LRCH2: variants seen among roughly 807,000 people sequenced by gnomAD.
The protein encoded by LRCH2 is leucine rich repeats and calponin homology domain containing 2, also known as leucine-rich repeat and calponin homology domain-containing protein 2.
Under a neutral mutation model 68.9 loss-of-function variants are expected in LRCH2, and 38 were observed. The observed-to-expected ratio is 0.55, with a 90% CI of 0.43 to 0.72. The LOEUF (loss-of-function observed/expected upper bound fraction) is 0.72. Ranked by LOEUF, LRCH2 falls within the 30% of genes least tolerant of loss-of-function variation. LRCH2 has a pLI of 0.00. For missense variants in LRCH2, 528 were observed against 572.9 expected (o/e 0.92, Z 0.80); for synonymous variants, 191 against 208.1 (o/e 0.92, Z 0.71).
At position 115,122,464 on chromosome X, in the gene LRCH2, C is replaced by T. The variant is rs150792620; in HGVS notation, c.2178+63G>A. The T allele has an allele frequency of 6.3e-3, 5,914 of 937,085 alleles. 17 individuals carry two copies. The highest frequency in any genetic ancestry group is 0.013 in the Middle Eastern group (40 of 2,979). 77.2% of individuals were successfully genotyped at this position (937,085 alleles called of 1,213,427 possible). A position where few individuals can be genotyped will look rare whatever the true frequency, so the allele number is the denominator to read the frequency against. Reference sequence around the variant, plus strand: ...GCATTATTCATTGCTCTAAGAAGAACCCCAGTTTGCATGTAATAAATTCAA... The same window carrying T: ...GCATTATTCATTGCTCTAAGAAGAATCCCAGTTTGCATGTAATAAATTCAA... On this transcript the variant is annotated intron_variant, in intron 20 of 20. Coordinates refer to ENST00000317135, the MANE Select transcript of LRCH2 (RefSeq NM_020871.4).
At chrX:115,190,929 C>T in intron 1 of LRCH2, 2 of 1,164,841 alleles carry the variant, frequency 1.7e-6, no homozygotes, top group Non-Finnish European at 2.3e-6. Context: ...GGGGCCACGA[C>T]AATTCCAGCT....
intron 5 of LRCH2, among the ~76,000 whole-genome samples, chrX:115,176,089 C>T (rs782321824): frequency 3.6e-5 from 4 of 111,849 alleles, no homozygotes; most frequent in Non-Finnish European, 3.8e-5. Context: ...AGAAATCTGA[C>T]GCATTTTGGT....
Position 115,234,034 on chromosome X carries a change from G to T in LRCH2, c.8C>A (p.Ala3Glu). MA[A>E]SQGGGGNSGG... ...ACTGTTACCGCCTCCTCCCTGACTC[G>T]CCGCCATGTTCCTGGGAGAGAGAAT... Residue 3 changes from alanine to glutamate, a missense_variant, in exon 1 of 21, where the codon GCG (alanine) becomes GAG (glutamate). Physicochemically the swap from Ala to Glu is moderately radical, Grantham distance 107. Transcript: ENST00000317135. The T allele has an allele frequency of 8.6e-7, 1 of 1,164,892 alleles. No homozygotes were observed. The highest frequency in any genetic ancestry group is 1.1e-6 in the Non-Finnish European group (1 of 872,110).
In LRCH2 at chrX:115,185,216, C is replaced by T. The variant is rs1327514430; in HGVS notation, c.495-679G>A. ...TATTGCCAGGCCATGTTCAGGGCAG[C>T]TCATGTGAATTAACTCTCACAGTGA... On this transcript the variant is annotated intron_variant, in intron 2 of 20. Coordinates refer to ENST00000317135, the MANE Select transcript of LRCH2 (RefSeq NM_020871.4). Among the ~76,000 whole-genome samples the T allele has an allele frequency of 2.7e-5, 3 of 112,119 alleles. No individual in the cohort carries two copies. The Admixed American group carries it at 2.8e-4, about 11-fold the overall frequency.
intron 20 of LRCH2, among the ~76,000 whole-genome samples, chrX:115,122,299 T>C (rs2072150960): frequency 9.1e-6 from 1 of 110,443 alleles, no homozygotes. Flanking sequence ...GTCAGTGATG[T>C]GCATGATTTT....
At chrX:115,210,601 C>T (rs1445201448) in intron 1 of LRCH2, among the ~76,000 whole-genome samples, 1 of 111,836 alleles carries the variant, frequency 8.9e-6, no homozygotes, top group Non-Finnish European at 1.9e-5. Context: ...CACACAAAGT[C>T]CCCACTGGGG....
intron 20 of LRCH2, 61 bp from the exon 21 acceptor site, chrX:115,113,396 A>G: frequency 1.6e-5 from 15 of 941,011 alleles, no homozygotes; most frequent in Non-Finnish European, 2.0e-5. Context: ...AAATTAAGTC[A>G]GAATTTGATT....
At chrX:115,229,546 G>T (rs960052219) in intron 1 of LRCH2, among the ~76,000 whole-genome samples, 5 of 112,128 alleles carry the variant, frequency 4.5e-5, no homozygotes, top group Non-Finnish European at 9.4e-5. Flanking sequence ...GAAATTAAGG[G>T]ATAAGTATGC....
At chrX:115,133,823 A>G (rs972845016) in intron 14 of LRCH2, among the ~76,000 whole-genome samples, 1 of 111,747 alleles carries the variant, frequency 8.9e-6, no homozygotes, top group African/African-American at 3.2e-5. Flanking sequence ...AATTAGGCCA[A>G]CTAATAATCC....
intron 11 of LRCH2, among the ~76,000 whole-genome samples, chrX:115,158,050 A>C (rs1320267379): frequency 8.9e-6 from 1 of 112,001 alleles, no homozygotes; most frequent in Non-Finnish European, 1.9e-5. Flanking sequence ...GTCAAAACAA[A>C]CATCTATTCT....
In LRCH2 at chrX:115,179,768, A is replaced by G. The variant is rs781838991; in HGVS notation, c.622-17T>C. ...GCTAATATCCTAAGGAGAACAATAA[A>G]ACAGAATTATAACAAGCTAACTGAG... On this transcript the variant is annotated splice_polypyrimidine_tract_variant and intron_variant, in intron 3 of 20. Transcript: ENST00000317135. 1 of 926,480 alleles carries G rather than the reference A, an allele frequency of 1.1e-6. No individual in the cohort carries two copies. The highest frequency in any genetic ancestry group is 1.4e-6 in the Non-Finnish European group (1 of 692,428). 76.4% of individuals were successfully genotyped at this position (926,480 alleles called of 1,213,427 possible).
chrX:115,137,876 C>A (rs1021141963), intron 14 of LRCH2, among the ~76,000 whole-genome samples: 9 of 110,373 alleles, frequency 8.2e-5, no homozygotes, highest in Non-Finnish European at 1.3e-4. Context: ...TTGAACCCGG[C>A]AGGCAGAGGT....
chrX:115,167,788 G>A (rs184296013), intron 6 of LRCH2, among the ~76,000 whole-genome samples: 79 of 111,562 alleles, frequency 7.1e-4, no homozygotes, highest in Admixed American at 3.3e-3. Context: ...AACATTTTAG[G>A]TATGGAAACA....
chrX:115,186,318 A>AC (rs2072730839), intron 2 of LRCH2, among the ~76,000 whole-genome samples: 1 of 104,669 alleles, frequency 9.6e-6, no homozygotes, highest in Non-Finnish European at 1.9e-5. Flanking sequence ...GTGCCACTCC[A>AC]CCCTGGGAGA....
chrX:115,158,156 C>A (rs1556540282), intron 11 of LRCH2, among the ~76,000 whole-genome samples: 1 of 111,396 alleles, frequency 9.0e-6, no homozygotes, highest in African/African-American at 3.3e-5. Context: ...TCAACCTGGC[C>A]CCATAATACT....
At chrX:115,123,306 C>T in intron 17 of LRCH2, 114 bp from the exon 18 acceptor site, 1 of 484,210 alleles carries the variant, frequency 2.1e-6, no homozygotes, top group South Asian at 4.0e-5. Context: ...TTATTACTCA[C>T]TAATACATTC....
In LRCH2 at chrX:115,233,128, C is replaced by T. The variant is rs782723605; in HGVS notation, c.349+565G>A. Among the ~76,000 whole-genome samples the T allele has an allele frequency of 2.7e-5, 3 of 111,876 alleles. No individual in the cohort carries two copies. In the South Asian group the frequency reaches 1.1e-3, roughly 43 times the overall value. On this transcript the variant is annotated intron_variant, in intron 1 of 20. Transcript: ENST00000317135. ...GCAAATACTAATTTAACCACCACTA[C>T]CTTCTCAACACCAGGAAAATGAAAA...
At chrX:115,139,798 A>G (rs782174930) in intron 14 of LRCH2, among the ~76,000 whole-genome samples, 6 of 111,451 alleles carry the variant, frequency 5.4e-5, no homozygotes, top group African/African-American at 2.0e-4. Flanking sequence ...TGGCGGGAGC[A>G]TTTGGATCAG....
Position 115,139,875 on chromosome X carries a change from C to T in LRCH2, c.1696-9676G>A, listed in dbSNP as rs149857976. Among the ~76,000 whole-genome samples, 596 of 111,243 alleles carry T rather than the reference C, an allele frequency of 5.4e-3. 6 individuals are homozygous for T. Among genetic ancestry groups the T allele is most frequent in the African/African-American group, 0.019 (576 of 30,603 alleles). On this transcript the variant is annotated intron_variant, in intron 14 of 20. Coordinates refer to ENST00000317135, the MANE Select transcript of LRCH2 (RefSeq NM_020871.4). ...TAAGTTTCTCAGTAACCTCACCAATCGCAGGCCAAAGTACTCTGGGGTTCT... is the reference window on the plus strand; with the variant it reads ...TAAGTTTCTCAGTAACCTCACCAATTGCAGGCCAAAGTACTCTGGGGTTCT...
Sources: allele counts gnomAD v4.1 joint callset (sites outside exome capture counted in the v4.1 genomes callset), GRCh38; gene constraint gnomAD v4.1.1; transcripts MANE v1.5; gene names NCBI Gene and HGNC (gene_info 2026-07-23, HGNC 2026-07-21).